Variants in POU6F2 observed in about 807,000 individuals in gnomAD.
The protein encoded by POU6F2 is POU class 6 homeobox 2, also known as POU domain, class 6, transcription factor 2.
POU6F2 carries 31 observed loss-of-function variants against 71.3 expected under a neutral mutation model. The observed-to-expected ratio is 0.43, with a 90% CI of 0.33 to 0.59. POU6F2 has a LOEUF of 0.59. Ranked by LOEUF, POU6F2 falls within the 20% of genes least tolerant of loss-of-function variation. The pLI, the probability that POU6F2 is intolerant of heterozygous loss-of-function variation, is 0.04. For missense variants in POU6F2, 783 were observed against 856.8 expected (o/e 0.91, Z 1.07); for synonymous variants, 347 against 355.7 (o/e 0.98, Z 0.27).
chr7:39,455,595 T>G (rs1393257282), intron 8 of POU6F2, among the ~76,000 whole-genome samples: 1 of 152,238 alleles, frequency 6.6e-6, no homozygotes, highest in African/African-American at 2.4e-5. Flanking sequence ...AAGGTGTATA[T>G]TACTCTCATA....
At chr7:39,159,956 G>T (rs1320239112) in intron 2 of POU6F2, among the ~76,000 whole-genome samples, 1 of 152,146 alleles carries the variant, frequency 6.6e-6, no homozygotes, top group Non-Finnish European at 1.5e-5. Context: ...GATGGCATGG[G>T]CAATTTAAAT....
chr7:39,309,550 C>A (rs1413284222), intron 4 of POU6F2, among the ~76,000 whole-genome samples: 1 of 152,132 alleles, frequency 6.6e-6, no homozygotes, highest in South Asian at 2.1e-4. Context: ...TCTAGAAACT[C>A]CACACCTTTA....
chr7:39,170,762 GAT>G (rs1793202522), intron 2 of POU6F2, among the ~76,000 whole-genome samples: 1 of 151,988 alleles, frequency 6.6e-6, no homozygotes, highest in African/African-American at 2.4e-5. Context: ...GCAAAGAAAA[GAT>G]AAATGTTTGA....
chr7:39,051,450 T>C (rs1790398464), intron 1 of POU6F2, among the ~76,000 whole-genome samples: 1 of 152,110 alleles, frequency 6.6e-6, no homozygotes, highest in Admixed American at 6.6e-5. Context: ...GTACATAATA[T>C]TCAGGGCACT....
At chr7:39,457,957 T>A (rs978760212) in intron 8 of POU6F2, among the ~76,000 whole-genome samples, 1 of 152,090 alleles carries the variant, frequency 6.6e-6, no homozygotes, top group African/African-American at 2.4e-5. Context: ...CCACTCCCCC[T>A]GCAAGCAGCA....
chr7:39,104,068 C>G (rs28627762), intron 2 of POU6F2, among the ~76,000 whole-genome samples: 1 of 152,188 alleles, frequency 6.6e-6, no homozygotes, highest in African/African-American at 2.4e-5. Context: ...TAGATAGGCT[C>G]GAAATTCTGG....
At chr7:39,067,500 A>G (rs959726758) in intron 1 of POU6F2, among the ~76,000 whole-genome samples, 10 of 152,120 alleles carry the variant, frequency 6.6e-5, no homozygotes, top group Admixed American at 3.9e-4. Context: ...ATTCTAGAAA[A>G]AATATTTGGG....
At chr7:39,301,584 G>C (rs965200873) in intron 4 of POU6F2, among the ~76,000 whole-genome samples, 1 of 152,150 alleles carries the variant, frequency 6.6e-6, no homozygotes, top group African/African-American at 2.4e-5. Context: ...ATGTGGTCAG[G>C]TTTGTGTCAT....
intron 1 of POU6F2, among the ~76,000 whole-genome samples, chr7:39,003,676 G>A (rs1788978291): frequency 6.6e-6 from 1 of 151,826 alleles, no homozygotes; most frequent in Non-Finnish European, 1.5e-5. Flanking sequence ...GTGAACCTGG[G>A]AGGCAGAGCT....
At chr7:39,244,197 G>C (rs558618630) in intron 4 of POU6F2, among the ~76,000 whole-genome samples, 3 of 152,136 alleles carry the variant, frequency 2.0e-5, no homozygotes, top group Admixed American at 6.5e-5. Flanking sequence ...TAAATTTCAA[G>C]TACTGTCATT....
intron 5 of POU6F2, among the ~76,000 whole-genome samples, chr7:39,355,342 A>C (rs1562800983): frequency 1.3e-5 from 2 of 152,204 alleles, no homozygotes; most frequent in African/African-American, 2.4e-5. Context: ...TTTTAAGGAC[A>C]CTTTCCTTTA....
intron 1 of POU6F2, among the ~76,000 whole-genome samples, chr7:39,036,798 A>G (rs901548710): frequency 1.3e-5 from 2 of 151,828 alleles, no homozygotes; most frequent in African/African-American, 4.8e-5. Flanking sequence ...AGCCTCTTAT[A>G]TTTATTATTC....
chr7:39,305,731 A>G (rs6979956), intron 4 of POU6F2, among the ~76,000 whole-genome samples: 126,400 of 152,156 alleles, frequency 0.83, 52,520 homozygotes, highest in Admixed American at 0.89. Flanking sequence ...GCTTAAATTG[A>G]CAATATTATA....
intron 4 of POU6F2, among the ~76,000 whole-genome samples, chr7:39,327,415 A>G (rs1785532292): frequency 6.6e-6 from 1 of 152,124 alleles, no homozygotes; most frequent in Admixed American, 6.5e-5. Context: ...CGCCAGTTTC[A>G]TCACACTGGA....
intron 4 of POU6F2, among the ~76,000 whole-genome samples, chr7:39,292,326 C>T (rs577061431): frequency 2.7e-4 from 41 of 152,310 alleles, no homozygotes; most frequent in Middle Eastern, 3.4e-3. Flanking sequence ...CGTCCACGGG[C>T]TCTGATTACC....
chr7:38,991,340 C>A (rs1788598365), intron 1 of POU6F2, among the ~76,000 whole-genome samples: 1 of 152,028 alleles, frequency 6.6e-6, no homozygotes, highest in Non-Finnish European at 1.5e-5. Context: ...TCATTTAATA[C>A]TTATAAATCT....
At chr7:39,391,739 C>T (rs1452827019) in intron 5 of POU6F2, among the ~76,000 whole-genome samples, 3 of 152,224 alleles carry the variant, frequency 2.0e-5, no homozygotes, top group Admixed American at 1.3e-4. Flanking sequence ...GGCAAAACTG[C>T]TATGCCAGTT....
At chr7:39,297,652 C>A (rs1784876348) in intron 4 of POU6F2, among the ~76,000 whole-genome samples, 1 of 151,722 alleles carries the variant, frequency 6.6e-6, no homozygotes, top group African/African-American at 2.4e-5. Flanking sequence ...TGCTAGGCTG[C>A]CATCTGTGAA....
intron 9 of POU6F2, among the ~76,000 whole-genome samples, chr7:39,461,059 G>A (rs1788938491): frequency 1.3e-5 from 2 of 152,140 alleles, no homozygotes; most frequent in South Asian, 2.1e-4. Flanking sequence ...CTGAGCAAAT[G>A]TTGTAAAGCT....
Sources: allele counts gnomAD v4.1 joint callset (sites outside exome capture counted in the v4.1 genomes callset), GRCh38; gene constraint gnomAD v4.1.1; transcripts MANE v1.5; gene names NCBI Gene and HGNC (gene_info 2026-07-23, HGNC 2026-07-21).